FMNL2: variants seen among roughly 807,000 people sequenced by gnomAD.
The protein encoded by FMNL2 is formin like 2.
In FMNL2, 51 loss-of-function variants were observed where a neutral mutation model predicts 130.2. That is an observed-to-expected ratio of 0.39 (90% confidence interval 0.31 to 0.49). The LOEUF (loss-of-function observed/expected upper bound fraction) is 0.49. Ranked by LOEUF, FMNL2 falls within the 20% of genes least tolerant of loss-of-function variation. The pLI is 0.85. For missense variants in FMNL2, 977 were observed against 1,316.2 expected (o/e 0.74, Z 3.99); for synonymous variants, 465 against 467.1 (o/e 1.00, Z 0.06).
intron 1 of FMNL2, among the ~76,000 whole-genome samples, chr2:152,484,365 G>A (rs1024371956): frequency 6.6e-6 from 1 of 152,094 alleles, no homozygotes; most frequent in Non-Finnish European, 1.5e-5. Context: ...ATTGGGCCAA[G>A]TGCAATAGCT....
chr2:152,498,649 A>G (rs991279064), intron 1 of FMNL2, among the ~76,000 whole-genome samples: 12 of 152,236 alleles, frequency 7.9e-5, no homozygotes, highest in African/African-American at 2.9e-4. Flanking sequence ...TCAGCTCTGC[A>G]TTTCGATCTT....
At chr2:152,595,047 TGTTTTGGCAGTTTG>T (rs1441826761) in intron 9 of FMNL2, among the ~76,000 whole-genome samples, 3 of 152,314 alleles carry the variant, frequency 2.0e-5, no homozygotes, top group South Asian at 2.1e-4. Context: ...GGCTCTGTGT[TGTTTTGGCAGTTTG>T]GTTTTGGCAG....
At chr2:152,631,873 TC>T in intron 20 of FMNL2, 134 bp from the exon 21 acceptor site, 1 of 938,058 alleles carries the variant, frequency 1.1e-6, no homozygotes. Context: ...ATCCTGACCC[TC>T]CTCTGGGAAT....
At chr2:152,478,438 A>T (rs1348139437) in intron 1 of FMNL2, among the ~76,000 whole-genome samples, 1 of 151,694 alleles carries the variant, frequency 6.6e-6, no homozygotes, top group African/African-American at 2.4e-5. Context: ...GGGTTTTACC[A>T]TGTTGGTCAG....
chr2:152,358,149 C>T (rs747897109), intron 1 of FMNL2, among the ~76,000 whole-genome samples: 10 of 150,854 alleles, frequency 6.6e-5, no homozygotes, highest in African/African-American at 1.5e-4. Flanking sequence ...TTCCTGCCCT[C>T]GAACATCAGA....
At chr2:152,339,542 T>C (rs1277043556) in intron 1 of FMNL2, among the ~76,000 whole-genome samples, 1 of 152,216 alleles carries the variant, frequency 6.6e-6, no homozygotes, top group African/African-American at 2.4e-5. Flanking sequence ...TAAAATTCTT[T>C]TGTTGAGTTT....
chr2:152,614,118 G>C (rs1698823376), intron 11 of FMNL2, among the ~76,000 whole-genome samples: 1 of 152,132 alleles, frequency 6.6e-6, no homozygotes, highest in Non-Finnish European at 1.5e-5. Context: ...TCCCCTACTG[G>C]AACCACTGTA....
intron 1 of FMNL2, among the ~76,000 whole-genome samples, chr2:152,383,885 A>G (rs1286778232): frequency 6.6e-6 from 1 of 152,184 alleles, no homozygotes; most frequent in Non-Finnish European, 1.5e-5. Context: ...GACATCATAA[A>G]CTAGGAATTT....
At chr2:152,459,832 A>G (rs747759850) in intron 1 of FMNL2, among the ~76,000 whole-genome samples, 1 of 152,212 alleles carries the variant, frequency 6.6e-6, no homozygotes, top group Non-Finnish European at 1.5e-5. Context: ...GAAAAAATAC[A>G]TAAATAGGTA....
intron 15 of FMNL2, among the ~76,000 whole-genome samples, chr2:152,622,285 A>G (rs1201486182): frequency 6.6e-6 from 1 of 152,170 alleles, no homozygotes; most frequent in South Asian, 2.1e-4. Context: ...ACAGTTCAGT[A>G]TTGCTGTTTG....
intron 24 of FMNL2, 115 bp from the exon 25 acceptor site, chr2:152,640,676 G>A (rs1405424749): frequency 1.6e-6 from 2 of 1,261,622 alleles, no homozygotes; most frequent in Non-Finnish European, 2.2e-6. Context: ...TGGGATGTGT[G>A]TGTGTTTTTG....
chr2:152,593,799 G>A (rs1223037485), intron 9 of FMNL2, among the ~76,000 whole-genome samples: 1 of 143,594 alleles, frequency 7.0e-6, no homozygotes, highest in Non-Finnish European at 1.5e-5. Flanking sequence ...TGCAATGAAG[G>A]TAATGAATGA....
chr2:152,604,722 A>G (rs969815621), intron 9 of FMNL2, among the ~76,000 whole-genome samples: 3 of 152,012 alleles, frequency 2.0e-5, no homozygotes, highest in Non-Finnish European at 4.4e-5. Flanking sequence ...CAGCCTCCCA[A>G]GTAGCTGGGA....
intron 3 of FMNL2, 133 bp from the exon 4 acceptor site, chr2:152,548,888 C>A (rs1694792935): frequency 1.4e-6 from 1 of 693,268 alleles, no homozygotes; most frequent in Admixed American, 3.3e-5. Flanking sequence ...GTGTGCTCTG[C>A]AACAAAAAAA....
intron 1 of FMNL2, among the ~76,000 whole-genome samples, chr2:152,339,368 A>T (rs1681669475): frequency 6.6e-6 from 1 of 152,176 alleles, no homozygotes. Flanking sequence ...TGATGATAAG[A>T]AGGTGGTTCT....
intron 1 of FMNL2, among the ~76,000 whole-genome samples, chr2:152,431,861 G>T (rs1687508197): frequency 6.6e-6 from 1 of 151,018 alleles, no homozygotes; most frequent in Non-Finnish European, 1.5e-5. Context: ...CTTCTTGGGA[G>T]GCTGAGCTGG....
intron 1 of FMNL2, among the ~76,000 whole-genome samples, chr2:152,500,130 T>C (rs1169150468): frequency 2.0e-5 from 3 of 150,956 alleles, no homozygotes; most frequent in Non-Finnish European, 4.4e-5. Flanking sequence ...ACAACTTGGG[T>C]GGGGGAATCT....
chr2:152,629,858 A>G lies in FMNL2; in HGVS notation c.2503A>G (p.Ser835Gly). The change falls in exon 20 of 26, where the codon AGT becomes GGT. Residue 835 changes from serine to glycine, a missense_variant. Transcript: ENST00000288670. ...ILALGNYMNS[S>G]KRGAVYGFKL... ...AGCCCTTGGAAACTACATGAATAGC[A>G]GTAAAAGAGGAGCAGTTTATGGATT... The G allele has an allele frequency of 6.2e-7, 1 of 1,613,016 alleles. No individual in the cohort carries two copies. The highest frequency in any genetic ancestry group is 8.5e-7 in the Non-Finnish European group (1 of 1,179,466).
chr2:152,614,816 G>A (rs536294790), intron 11 of FMNL2, 35 bp from the exon 12 acceptor site: 2 of 1,567,680 alleles, frequency 1.3e-6, no homozygotes, highest in African/African-American at 1.4e-5. Context: ...CCATAGATGA[G>A]CTAACACCAC....
Sources: gnomAD v4.1 joint callset for allele counts (sites outside exome capture counted in the v4.1 genomes callset) on GRCh38, gnomAD v4.1.1 for gene constraint, MANE v1.5 for transcripts, NCBI Gene and HGNC (gene_info 2026-07-23, HGNC 2026-07-21) for gene names.